Variants in FMN1 observed in about 807,000 individuals in gnomAD.
FMN1 encodes formin 1, also known as formin-1.
FMN1 carries 110 observed loss-of-function variants against 132.4 expected under a neutral mutation model. That is an observed-to-expected ratio of 0.83 (90% CI 0.71 to 0.97). The LOEUF (loss-of-function observed/expected upper bound fraction) is 0.97. FMN1 is among the 50% of genes least tolerant of loss of function. The probability of loss-of-function intolerance (pLI) is 0.00; values close to 1 mark genes in which losing one functional copy is unlikely to be tolerated. For synonymous variants in FMN1, 722 were observed against 651.7 expected (o/e 1.11, Z -1.64); for missense variants, 1,792 against 1,705.3 (o/e 1.05, Z -0.90).
At chr15:32,922,946 G>A (rs2060869682) in intron 10 of FMN1, among the ~76,000 whole-genome samples, 2 of 152,204 alleles carry the variant, frequency 1.3e-5, no homozygotes, top group Admixed American at 1.3e-4. Flanking sequence ...GCAGGTAGAG[G>A]CAAATGATGT....
intron 16 of FMN1, among the ~76,000 whole-genome samples, chr15:32,863,434 AAAAT>A (rs1322138634): frequency 2.0e-5 from 3 of 152,186 alleles, no homozygotes; most frequent in East Asian, 1.9e-4. Flanking sequence ...ACTCCATCTC[AAAAT>A]AAATAAATAA....
intron 4 of FMN1, among the ~76,000 whole-genome samples, chr15:33,110,376 G>A (rs1225456536): frequency 6.6e-6 from 1 of 151,906 alleles, no homozygotes; most frequent in African/African-American, 2.4e-5. Context: ...ATCAAGTTCA[G>A]GAAATTTTTT....
chr15:32,858,969 G>C (rs1225782225), intron 16 of FMN1, among the ~76,000 whole-genome samples: 1 of 152,174 alleles, frequency 6.6e-6, no homozygotes. Flanking sequence ...TGTCCAAGGA[G>C]CGAGAGAGTA....
rs1361885271 is a variant in FMN1 at position 32,900,140 on chromosome 15, A to C, written c.3508-15T>G. ...TGCAGCAAGTCCTGTGATGGCAAAC[A>C]CCAGTTATTACGGAGCTGAACTCCA... On this transcript the variant is annotated splice_polypyrimidine_tract_variant and intron_variant, in intron 13 of 20. Coordinates refer to ENST00000616417, the MANE Select transcript of FMN1 (RefSeq NM_001277313.2). 1.2e-6 allele frequency: 2 copies of C among 1,613,264 alleles called. No individual in the cohort carries two copies. Among genetic ancestry groups the C allele is most frequent in the Non-Finnish European group, 1.7e-6 (2 of 1,179,802 alleles).
At chr15:32,834,423 G>C (rs2058575765) in intron 17 of FMN1, among the ~76,000 whole-genome samples, 1 of 152,124 alleles carries the variant, frequency 6.6e-6, no homozygotes, top group Admixed American at 6.6e-5. Flanking sequence ...CCCTACGTTA[G>C]CTCTGTTCCC....
At chr15:32,832,674 A>T (rs2058529968) in intron 17 of FMN1, among the ~76,000 whole-genome samples, 1 of 152,104 alleles carries the variant, frequency 6.6e-6, no homozygotes, top group Non-Finnish European at 1.5e-5. Flanking sequence ...GCTACTTGGG[A>T]GACTGAGGCA....
intron 6 of FMN1, among the ~76,000 whole-genome samples, chr15:33,039,450 T>G (rs994823222): frequency 3.3e-5 from 5 of 152,198 alleles, no homozygotes; most frequent in African/African-American, 9.7e-5. Context: ...AATAGGTTAT[T>G]GAGGAAACTT....
chr15:33,158,922 C>T (rs143370096), intron 3 of FMN1, among the ~76,000 whole-genome samples: 2 of 152,282 alleles, frequency 1.3e-5, no homozygotes, highest in African/African-American at 2.4e-5. Flanking sequence ...CATGGTGCCT[C>T]ATGACTATAA....
chr15:32,821,903 C>T (rs1279270376), intron 17 of FMN1, among the ~76,000 whole-genome samples: 2 of 152,196 alleles, frequency 1.3e-5, no homozygotes, highest in Non-Finnish European at 2.9e-5. Context: ...TGCCTCATCC[C>T]ATTTTGATAT....
chr15:33,088,839 C>T lies in FMN1; in HGVS notation c.2003G>A (p.Arg668Lys), dbSNP rs34718785. Residue 668 changes from arginine (R) to lysine (K), a missense_variant, in exon 5 of 21, where the codon AGG becomes AAG. Arg to Lys is a conservative substitution (Grantham distance 26). Coordinates refer to ENST00000616417, the MANE Select transcript of FMN1 (RefSeq NM_001277313.2). ...CAATTCGCTCCTGTTTGACTTCTCC[C>T]TTTCCTCATGAAGCAAAAATGGACA... ...PACPFLLHEE[R>K]EKSNRSELYL... 1 of 1,535,838 alleles carries T rather than the reference C, an allele frequency of 6.5e-7. No homozygotes were observed. The highest frequency in any genetic ancestry group is 2.4e-5 in the East Asian group (1 of 40,912).
chr15:32,893,172 G>A (rs922077460), intron 15 of FMN1, among the ~76,000 whole-genome samples: 4 of 152,178 alleles, frequency 2.6e-5, no homozygotes, highest in African/African-American at 9.7e-5. Flanking sequence ...CAGACACAAT[G>A]TACTTTTTTC....
In FMN1 at chr15:32,910,482, A is replaced by G. The variant is rs771911236; in HGVS notation, c.3280T>C (p.Tyr1094His). 36 of 1,577,746 alleles carry G rather than the reference A, an allele frequency of 2.3e-5. No individual in the cohort carries two copies. The highest frequency in any genetic ancestry group is 3.5e-5 in the South Asian group (3 of 85,692). The change falls in exon 11 of 21, where the codon TAT becomes CAT. Residue 1094 changes from tyrosine (Y) to histidine (H), a missense_variant. By Grantham distance (83) the Tyr-to-His change is moderately conservative. Transcript: ENST00000616417. ...AAGTCTTTGACACTCACGTTTTCAT[A>G]TAAGGCTGCCAGGGTCTCCAGATCA... ...VVDLETLAAL[Y>H]ENRAQEDELV...
chr15:32,813,521 T>G (rs1377269552), intron 17 of FMN1, among the ~76,000 whole-genome samples: 3 of 152,230 alleles, frequency 2.0e-5, no homozygotes, highest in African/African-American at 4.8e-5. Context: ...GCCTTCAGAC[T>G]TTATGAAGGA....
At chr15:32,779,804 C>T (rs2056606636) in intron 19 of FMN1, among the ~76,000 whole-genome samples, 1 of 152,140 alleles carries the variant, frequency 6.6e-6, no homozygotes, top group South Asian at 2.1e-4. Flanking sequence ...AGGTCTTAAC[C>T]ACCATGCAAT....
intron 16 of FMN1, among the ~76,000 whole-genome samples, chr15:32,869,978 G>A (rs999910488): frequency 2.0e-5 from 3 of 152,170 alleles, no homozygotes; most frequent in African/African-American, 7.2e-5. Flanking sequence ...TGTTTAAGAA[G>A]TTAAGCTACA....
chr15:32,867,120 C>A (rs2059409460), intron 16 of FMN1, among the ~76,000 whole-genome samples: 1 of 152,210 alleles, frequency 6.6e-6, no homozygotes, highest in African/African-American at 2.4e-5. Context: ...TTACTCTTCA[C>A]CAGGCTGCTA....
intron 9 of FMN1, among the ~76,000 whole-genome samples, chr15:32,937,102 C>T (rs1420854407): frequency 2.6e-5 from 4 of 152,138 alleles, no homozygotes; most frequent in African/African-American, 7.2e-5. Context: ...GGTTTACTCT[C>T]ACTTACTCTG....
intron 6 of FMN1, among the ~76,000 whole-genome samples, chr15:33,055,815 TAA>T (rs2037190306): frequency 6.6e-6 from 1 of 152,018 alleles, no homozygotes; most frequent in African/African-American, 2.4e-5. Context: ...AAACCACTAT[TAA>T]GAGAGAGAAA....
intron 15 of FMN1, among the ~76,000 whole-genome samples, chr15:32,897,203 G>A (rs758881802): frequency 6.6e-6 from 1 of 152,098 alleles, no homozygotes; most frequent in Non-Finnish European, 1.5e-5. Context: ...GCACCTGTTG[G>A]CTATTTGTTT....
Sources: allele counts gnomAD v4.1 joint callset (sites outside exome capture counted in the v4.1 genomes callset), GRCh38; gene constraint gnomAD v4.1.1; transcripts MANE v1.5; gene names NCBI Gene and HGNC (gene_info 2026-07-23, HGNC 2026-07-21).